Variants in GALNTL6 observed in about 807,000 individuals in gnomAD.
GALNTL6 encodes the protein polypeptide N-acetylgalactosaminyltransferase like 6, also known as polypeptide N-acetylgalactosaminyltransferase-like 6.
Under a neutral mutation model 73.7 loss-of-function variants are expected in GALNTL6, and 46 were observed. The observed-to-expected ratio is 0.62, with a 90% CI of 0.49 to 0.80. GALNTL6 has a LOEUF of 0.80. Ranked by LOEUF, GALNTL6 falls within the 30% of genes least tolerant of loss-of-function variation. GALNTL6 has a pLI of 0.00. For synonymous variants in GALNTL6, 259 were observed against 263.7 expected, an observed-to-expected ratio of 0.98 and a Z score of 0.17; for missense variants, 604 against 755.0, an observed-to-expected ratio of 0.80 and a Z score of 2.34.
intron 5 of GALNTL6, among the ~76,000 whole-genome samples, chr4:172,605,693 T>C (rs529809704): frequency 1.3e-5 from 2 of 152,198 alleles, no homozygotes; most frequent in Admixed American, 1.3e-4. Context: ...GGCTAGAATA[T>C]AAGATATAAA....
chr4:171,904,168 A>T (rs1006253427), intron 2 of GALNTL6, among the ~76,000 whole-genome samples: 1 of 152,188 alleles, frequency 6.6e-6, no homozygotes, highest in African/African-American at 2.4e-5. Flanking sequence ...AGCTGAGAGA[A>T]GAAGGCTTCA....
chr4:172,516,398 A>G (rs533935620), intron 5 of GALNTL6, among the ~76,000 whole-genome samples: 108 of 152,318 alleles, frequency 7.1e-4, no homozygotes, highest in African/African-American at 2.5e-3. Flanking sequence ...TGGAAATAAT[A>G]ATTTTCAATT....
intron 8 of GALNTL6, among the ~76,000 whole-genome samples, chr4:172,912,150 T>C (rs565780269): frequency 6.6e-6 from 1 of 152,232 alleles, no homozygotes. Flanking sequence ...CCTCTTCATA[T>C]AGTTCTCAAG....
chr4:172,593,394 A>G (rs1439999793), intron 5 of GALNTL6, among the ~76,000 whole-genome samples: 1 of 152,160 alleles, frequency 6.6e-6, no homozygotes, highest in Admixed American at 6.6e-5. Context: ...CTTTAACTGG[A>G]TATATTCTTT....
chr4:172,056,939 T>C (rs1167582418), intron 2 of GALNTL6, among the ~76,000 whole-genome samples: 1 of 152,148 alleles, frequency 6.6e-6, no homozygotes, highest in African/African-American at 2.4e-5. Flanking sequence ...TAAATTATGG[T>C]TTTAAAATTA....
rs193268130 is a variant in GALNTL6 at position 172,728,532 on chromosome 4, A to T, written c.554-80829A>T. ...AATATATATGTACATATACAATGAAATATATATGTGTGTATATATATTACA... is the reference window on the plus strand; with the variant it reads ...AATATATATGTACATATACAATGAATTATATATGTGTGTATATATATTACA... On this transcript the variant is annotated intron_variant, in intron 5 of 12. Coordinates refer to ENST00000506823, the MANE Select transcript of GALNTL6 (RefSeq NM_001034845.3). 1.2e-3 allele frequency among the ~76,000 whole-genome samples: 175 copies of T among 151,726 alleles called. 1 individual carries two copies. Among genetic ancestry groups the T allele is most frequent in the Middle Eastern group, 0.01 (3 of 294 alleles).
At chr4:172,753,858 A>T (rs140700540) in intron 5 of GALNTL6, among the ~76,000 whole-genome samples, 164 of 152,302 alleles carry the variant, frequency 1.1e-3, no homozygotes, top group African/African-American at 3.8e-3. Flanking sequence ...CAAAAAAAAA[A>T]TCTGTGGAAG....
intron 2 of GALNTL6, among the ~76,000 whole-genome samples, chr4:172,119,976 G>A (rs1733101245): frequency 6.6e-6 from 1 of 152,058 alleles, no homozygotes; most frequent in Admixed American, 6.5e-5. Context: ...TTCCCTACCT[G>A]CTCAACACAT....
At position 172,941,764 on chromosome 4, in the gene GALNTL6, G is replaced by A. The variant is rs546134928; in HGVS notation, c.1150-10273G>A. Among the ~76,000 whole-genome samples the A allele has an allele frequency of 8.5e-4, 129 of 152,236 alleles. 1 individual carries two copies. Among genetic ancestry groups the A allele is most frequent in the African/African-American group, 2.9e-3 (121 of 41,540 alleles). On this transcript the variant is annotated intron_variant, in intron 9 of 12. Coordinates refer to ENST00000506823, the MANE Select transcript of GALNTL6 (RefSeq NM_001034845.3). ...TTAGCATGCCATAATCTCAATAACC[G>A]AAAATGCAACTCTTGCAAAGACGAG...
chr4:172,115,199 C>G (rs554356100), intron 2 of GALNTL6, among the ~76,000 whole-genome samples: 1 of 152,090 alleles, frequency 6.6e-6, no homozygotes, highest in East Asian at 1.9e-4. Flanking sequence ...CATTGAATAC[C>G]AAAGGCCTTG....
chr4:172,864,314 A>T (rs1364271517), intron 7 of GALNTL6, among the ~76,000 whole-genome samples: 1 of 152,082 alleles, frequency 6.6e-6, no homozygotes, highest in Non-Finnish European at 1.5e-5. Context: ...ACAGTAACCC[A>T]CTCATAGCAT....
intron 12 of GALNTL6, among the ~76,000 whole-genome samples, chr4:173,033,758 T>C (rs1269347276): frequency 1.3e-5 from 2 of 152,218 alleles, no homozygotes; most frequent in Non-Finnish European, 2.9e-5. Flanking sequence ...CATTCCCTCA[T>C]AGCCATATTA....
intron 5 of GALNTL6, among the ~76,000 whole-genome samples, chr4:172,550,346 CA>C (rs1426890245): frequency 6.6e-6 from 1 of 152,124 alleles, no homozygotes; most frequent in East Asian, 1.9e-4. Flanking sequence ...TAATTATAGT[CA>C]GTCTGATAGG....
intron 5 of GALNTL6, among the ~76,000 whole-genome samples, chr4:172,687,370 C>T (rs1160649905): frequency 6.6e-6 from 1 of 152,030 alleles, no homozygotes; most frequent in Non-Finnish European, 1.5e-5. Context: ...TGGCTCATAC[C>T]TGTAATCCCA....
In GALNTL6 at chr4:171,901,135, G is replaced by A. The variant is rs573571683; in HGVS notation, c.138+86417G>A. ...ATTTGGAGTAGCAGTGATCATACTA[G>A]GCCTACTAAAAGACGGAAATGTTGA... On this transcript the variant is annotated intron_variant, in intron 2 of 12. Coordinates refer to ENST00000506823, the MANE Select transcript of GALNTL6 (RefSeq NM_001034845.3). Among the ~76,000 whole-genome samples, 4 of 152,212 alleles carry A rather than the reference G, an allele frequency of 2.6e-5. No homozygotes were observed. In the South Asian group the frequency reaches 8.3e-4, roughly 32 times the overall value.
At chr4:172,707,889 A>G (rs1292301644) in intron 5 of GALNTL6, among the ~76,000 whole-genome samples, 6 of 152,086 alleles carry the variant, frequency 3.9e-5, no homozygotes, top group Non-Finnish European at 1.5e-5. Flanking sequence ...AACTGAGCAG[A>G]ATTCTTGTTA....
chr4:172,425,193 C>T (rs1361750861), intron 5 of GALNTL6: 1 of 152,054 alleles, frequency 6.6e-6, no homozygotes, highest in Non-Finnish European at 1.5e-5. Context: ...AACAATGCAT[C>T]TTAGTTATAT....
At chr4:172,369,942 C>T (rs1742730820) in intron 5 of GALNTL6, among the ~76,000 whole-genome samples, 1 of 152,220 alleles carries the variant, frequency 6.6e-6, no homozygotes, top group Non-Finnish European at 1.5e-5. Context: ...GGCTGACGGG[C>T]TCCTCAAGTG....
At chr4:172,099,759 T>G (rs1427679057) in intron 2 of GALNTL6, among the ~76,000 whole-genome samples, 1 of 152,174 alleles carries the variant, frequency 6.6e-6, no homozygotes, top group African/African-American at 2.4e-5. Context: ...ATCTCTAATT[T>G]ATGTATGATT....
Sources: allele counts gnomAD v4.1 joint callset (sites outside exome capture counted in the v4.1 genomes callset), GRCh38; gene constraint gnomAD v4.1.1; transcripts MANE v1.5; gene names NCBI Gene and HGNC (gene_info 2026-07-23, HGNC 2026-07-21).